The following VAV2 variants were observed in gnomAD, a reference collection of about 807,000 sequenced individuals.
The protein encoded by VAV2 is vav guanine nucleotide exchange factor 2, also known as guanine nucleotide exchange factor VAV2.
A neutral mutation model predicts 132.5 loss-of-function variants in VAV2; 67 were observed. The ratio of observed to expected loss-of-function variants is 0.51; its 90% confidence interval spans 0.42 to 0.62. The LOEUF is 0.62. Ranked by LOEUF, VAV2 falls within the 20% of genes least tolerant of loss-of-function variation. The probability of loss-of-function intolerance (pLI) is 0.00; values close to 1 mark genes in which losing one functional copy is unlikely to be tolerated. For missense variants in VAV2, 938 were observed against 1,153.6 expected (o/e 0.81, Z 2.71); for synonymous variants, 492 against 443.5 (o/e 1.11, Z -1.37).
intron 1 of VAV2, among the ~76,000 whole-genome samples, chr9:133,958,483 G>C (rs922392651): frequency 6.6e-6 from 1 of 150,638 alleles, no homozygotes; most frequent in African/African-American, 2.4e-5. Context: ...CTTTGTTCAC[G>C]TGTTTGTCTG....
chr9:133,868,395 G>A (rs537731690), intron 2 of VAV2, among the ~76,000 whole-genome samples: 3 of 152,340 alleles, frequency 2.0e-5, no homozygotes, highest in Admixed American at 6.5e-5. Flanking sequence ...GTTCAAATCC[G>A]CCCTTCCCGG....
At chr9:133,965,376 A>G (rs964057673) in intron 1 of VAV2, among the ~76,000 whole-genome samples, 2 of 151,686 alleles carry the variant, frequency 1.3e-5, no homozygotes, top group African/African-American at 2.4e-5. Flanking sequence ...ATGGGAACCT[A>G]TAGTCCCAGC....
intron 4 of VAV2, among the ~76,000 whole-genome samples, chr9:133,818,011 T>C (rs1835628811): frequency 1.3e-5 from 2 of 152,064 alleles, no homozygotes; most frequent in South Asian, 2.1e-4. Flanking sequence ...AAGTAAAGAT[T>C]TACCCTCACC....
intron 3 of VAV2, among the ~76,000 whole-genome samples, chr9:133,842,783 G>T (rs1212710193): frequency 1.3e-5 from 2 of 152,248 alleles, no homozygotes; most frequent in Non-Finnish European, 2.9e-5. Flanking sequence ...CGCGGGCAGA[G>T]GGGTGGAGGG....
chr9:133,766,573 T>C (rs187745796), intron 29 of VAV2, among the ~76,000 whole-genome samples: 1 of 149,826 alleles, frequency 6.7e-6, no homozygotes, highest in Non-Finnish European at 1.5e-5. Context: ...AACTGAACAA[T>C]GAGAACACTT....
At chr9:133,841,974 T>C (rs1436364330) in intron 3 of VAV2, among the ~76,000 whole-genome samples, 6 of 152,118 alleles carry the variant, frequency 3.9e-5, no homozygotes, top group Non-Finnish European at 8.8e-5. Context: ...TCCCCACAGA[T>C]GGTCCACCCG....
chr9:133,797,770 G>A lies in VAV2; in HGVS notation c.876C>T (p.His292=), dbSNP rs199884667. 49 of 1,613,912 alleles carry A rather than the reference G, an allele frequency of 3.0e-5. No homozygotes were observed. The highest frequency in any genetic ancestry group is 1.5e-4 in the South Asian group (14 of 91,068). The stretch of plus-strand genomic sequence containing the variant: ...GGAGCTGGTTCAGTGTGTTCTGGGC[G>A]TGCTCCATGTGGCTGCAGTACTCCC... ...IYGEYCSHME[H]AQNTLNQLLA... The change falls in exon 10 of 30, where the codon CAC becomes CAT. Residue 292 remains histidine (H), a synonymous_variant. Coordinates refer to ENST00000371850, the MANE Select transcript of VAV2 (RefSeq NM_001134398.2).
intron 9 of VAV2, among the ~76,000 whole-genome samples, chr9:133,799,339 C>CGTG (rs930994907): frequency 6.6e-6 from 1 of 152,208 alleles, no homozygotes; most frequent in African/African-American, 2.4e-5. Flanking sequence ...CAGCGCTGCG[C>CGTG]GTGGGGTCCA....
At chr9:133,805,629 G>A (rs1000702274) in intron 9 of VAV2, among the ~76,000 whole-genome samples, 29 of 146,724 alleles carry the variant, frequency 2.0e-4, no homozygotes, top group African/African-American at 7.4e-4. Flanking sequence ...CAGCCTGGGC[G>A]TCATCTAAGC....
rs150778716 is a variant in VAV2 at position 133,945,520 on chromosome 9, C to T, written c.205-6301G>A. ...GAGGCCCCAGAAGGCAGGTGACCCG[C>T]GATCTGAACCCAGGCCCGGTTCCTC... On this transcript the variant is annotated intron_variant, in intron 1 of 29. Transcript: ENST00000371850. 3.3e-3 allele frequency among the ~76,000 whole-genome samples: 496 copies of T among 152,368 alleles called. 2 individuals are homozygous for T. The highest frequency in any genetic ancestry group is 0.012 in the African/African-American group (479 of 41,588).
At chr9:133,886,218 C>T (rs1838697774) in intron 2 of VAV2, among the ~76,000 whole-genome samples, 1 of 152,206 alleles carries the variant, frequency 6.6e-6, no homozygotes, top group South Asian at 2.1e-4. Flanking sequence ...AGCTCCGCCA[C>T]ATGCAAGAAA....
At chr9:133,910,619 GC>G (rs1481199584) in intron 2 of VAV2, among the ~76,000 whole-genome samples, 2 of 149,410 alleles carry the variant, frequency 1.3e-5, no homozygotes, top group Non-Finnish European at 3.0e-5. Flanking sequence ...GACCATCCTG[GC>G]TAACACGGTG....
At chr9:133,908,483 C>G (rs951829784) in intron 2 of VAV2, among the ~76,000 whole-genome samples, 99 of 152,110 alleles carry the variant, frequency 6.5e-4, no homozygotes, top group African/African-American at 2.3e-3. Flanking sequence ...CCTGATGCCC[C>G]CAAGCCAGAC....
At chr9:133,809,998 C>A (rs1199882967) in intron 6 of VAV2, among the ~76,000 whole-genome samples, 193 bp downstream of exon 6, 1 of 152,168 alleles carries the variant, frequency 6.6e-6, no homozygotes, top group Non-Finnish European at 1.5e-5. Flanking sequence ...TCTAAGGCAA[C>A]GTGCAAGATG....
chr9:133,772,817 T>G (rs1309723153), intron 25 of VAV2, among the ~76,000 whole-genome samples: 1 of 152,028 alleles, frequency 6.6e-6, no homozygotes, highest in African/African-American at 2.4e-5. Context: ...CGCCACGGAG[T>G]GCATTTATAT....
At chr9:133,781,625 G>C (rs912089680) in intron 19 of VAV2, among the ~76,000 whole-genome samples, 2 of 152,254 alleles carry the variant, frequency 1.3e-5, no homozygotes, top group South Asian at 4.1e-4. Context: ...AGCCTCGGCA[G>C]AGCCCAGGGG....
At chr9:133,874,626 A>G (rs1296037665) in intron 2 of VAV2, among the ~76,000 whole-genome samples, 1 of 152,162 alleles carries the variant, frequency 6.6e-6, no homozygotes, top group Non-Finnish European at 1.5e-5. Context: ...CCTCAAGGGC[A>G]GGAGGGAGGG....
chr9:133,896,138 CGAGCATAACACT>C (rs1271137383), intron 2 of VAV2, among the ~76,000 whole-genome samples: 5 of 83,044 alleles, frequency 6.0e-5, no homozygotes, highest in Admixed American at 5.5e-4. Context: ...TGACTCTTAA[CGAGCATAACACT>C]AAAATCTTTA....
intron 1 of VAV2, among the ~76,000 whole-genome samples, chr9:133,960,744 G>C (rs1841939447): frequency 6.6e-6 from 1 of 152,244 alleles, no homozygotes; most frequent in South Asian, 2.1e-4. Flanking sequence ...GCCTGACTCT[G>C]TAATACCCTT....
Sources: gnomAD v4.1 joint callset for allele counts (sites outside exome capture counted in the v4.1 genomes callset) on GRCh38, gnomAD v4.1.1 for gene constraint, MANE v1.5 for transcripts, NCBI Gene and HGNC (gene_info 2026-07-23, HGNC 2026-07-21) for gene names.